NRIP1: variants seen among roughly 807,000 people sequenced by gnomAD.
NRIP1 encodes nuclear receptor-interacting protein 1.
In NRIP1, 28 loss-of-function variants were observed where a neutral mutation model predicts 75.0. The observed-to-expected ratio is 0.37, with a 90% CI of 0.28 to 0.51. NRIP1 has a LOEUF of 0.51. NRIP1 is among the 20% of genes least tolerant of loss of function. NRIP1 has a pLI of 0.92. For synonymous variants in NRIP1, 526 were observed against 487.6 expected (o/e 1.08, Z -1.04); for missense variants, 1,435 against 1,343.7 (o/e 1.07, Z -1.06).
intron 2 of NRIP1, among the ~76,000 whole-genome samples, chr21:15,034,496 TG>T (rs1230886644): frequency 1.3e-5 from 2 of 152,146 alleles, no homozygotes; most frequent in Non-Finnish European, 2.9e-5. Context: ...ACTGTTTTCC[TG>T]GGGGGAAAAA....
chr21:15,004,878 G>A (rs1186131584), intron 3 of NRIP1, among the ~76,000 whole-genome samples: 2 of 152,106 alleles, frequency 1.3e-5, no homozygotes, highest in Admixed American at 6.6e-5. Flanking sequence ...CAATAAAGAA[G>A]CACTTTACTC....
At chr21:15,059,631 T>C (rs544934166) in intron 1 of NRIP1, among the ~76,000 whole-genome samples, 8 of 152,086 alleles carry the variant, frequency 5.3e-5, no homozygotes, top group Non-Finnish European at 1.0e-4. Context: ...GTTCTTGAAA[T>C]TATTTCAACC....
At chr21:14,983,483 A>G (rs1207422568) in intron 3 of NRIP1, among the ~76,000 whole-genome samples, 8 of 152,224 alleles carry the variant, frequency 5.3e-5, no homozygotes, top group Admixed American at 5.2e-4. Flanking sequence ...CTGCAAAGGG[A>G]AGCAGCAAAT....
chr21:15,046,676 G>C (rs1235576351), intron 1 of NRIP1, among the ~76,000 whole-genome samples: 1 of 152,208 alleles, frequency 6.6e-6, no homozygotes, highest in Non-Finnish European at 1.5e-5. Flanking sequence ...TAAAGTCCTA[G>C]ATGGCATATT....
chr21:15,053,095 T>TTA (rs1419687402), intron 1 of NRIP1, among the ~76,000 whole-genome samples: 2 of 152,178 alleles, frequency 1.3e-5, no homozygotes, highest in Non-Finnish European at 2.9e-5. Flanking sequence ...ACCCTAAACT[T>TTA]TACAGTTTTA....
At chr21:15,063,782 T>G (rs2147446834) in intron 1 of NRIP1, among the ~76,000 whole-genome samples, 1 of 152,312 alleles carries the variant, frequency 6.6e-6, no homozygotes, top group African/African-American at 2.4e-5. Flanking sequence ...AATGTGCCAT[T>G]AAAAAATATT....
intron 2 of NRIP1, among the ~76,000 whole-genome samples, chr21:15,036,090 C>T (rs1164036936): frequency 6.6e-6 from 1 of 152,084 alleles, no homozygotes; most frequent in African/African-American, 2.4e-5. Flanking sequence ...ATTTCTATGA[C>T]AATAAACAGG....
chr21:14,965,317 T>C lies in NRIP1; in HGVS notation c.2876A>G (p.Asp959Gly). 6.2e-7 allele frequency: 1 copy of C among 1,614,038 alleles called. No homozygotes were observed. The highest frequency in any genetic ancestry group is 8.5e-7 in the Non-Finnish European group (1 of 1,179,950). ...LSPHRSNSVADSKKKGHKNNV... is the reference protein window; with the variant it reads ...LSPHRSNSVAGSKKKGHKNNV... ...ATTTTTGTGTCCTTTCTTTTTACTGTCAGCCACAGAGTTACTTCTGTGCGG... is the reference window on the plus strand; with the variant it reads ...ATTTTTGTGTCCTTTCTTTTTACTGCCAGCCACAGAGTTACTTCTGTGCGG... Residue 959 changes from aspartate to glycine, a missense_variant, in exon 4 of 4, where the codon GAC becomes GGC. Asp to Gly is a moderately conservative substitution (Grantham distance 94, BLOSUM62 -1). Transcript: ENST00000318948.
At chr21:15,003,312 C>T (rs963492048) in intron 3 of NRIP1, among the ~76,000 whole-genome samples, 8 of 151,538 alleles carry the variant, frequency 5.3e-5, no homozygotes, top group Non-Finnish European at 8.8e-5. Flanking sequence ...CATCCTAAGC[C>T]GTTCTGTTTT....
In NRIP1 at chr21:15,031,681, T is replaced by C. The variant is rs1293306194; in HGVS notation, c.-458+11814A>G. 9.6e-5 allele frequency among the ~76,000 whole-genome samples: 11 copies of C among 114,212 alleles called. No individual in the cohort carries two copies. The East Asian group carries it at 1.9e-3, about 20-fold the overall frequency. 74.9% of individuals were successfully genotyped at this position (114,212 alleles called of 152,430 possible). A position where few individuals can be genotyped will look rare whatever the true frequency, so the allele number is the denominator to read the frequency against. Reference sequence around the variant, plus strand: ...ATTCCCTTTCTATGTGTATACACTCTGGAAGGCGCTCGGAGGATCACCACA... The same window carrying C: ...ATTCCCTTTCTATGTGTATACACTCCGGAAGGCGCTCGGAGGATCACCACA... On this transcript the variant is annotated intron_variant, in intron 2 of 3. Coordinates refer to ENST00000318948, the MANE Select transcript of NRIP1 (RefSeq NM_003489.4).
At chr21:15,023,191 C>A (rs1300437613) in intron 2 of NRIP1, among the ~76,000 whole-genome samples, 1 of 151,960 alleles carries the variant, frequency 6.6e-6, no homozygotes, top group Non-Finnish European at 1.5e-5. Context: ...GAACTGAACA[C>A]TTTAAACAGG....
At chr21:15,043,105 G>A (rs943748008) in intron 2 of NRIP1, among the ~76,000 whole-genome samples, 4 of 152,212 alleles carry the variant, frequency 2.6e-5, no homozygotes, top group African/African-American at 9.6e-5. Context: ...AGAAGGTAGA[G>A]CTGTCACAGG....
intron 3 of NRIP1, among the ~76,000 whole-genome samples, chr21:15,007,861 A>C (rs1194733552): frequency 6.6e-6 from 1 of 152,256 alleles, no homozygotes; most frequent in Non-Finnish European, 1.5e-5. Flanking sequence ...TCATGTTTTT[A>C]GATGATCACT....
chr21:15,050,976 T>C (rs2089188775), intron 1 of NRIP1: 5 of 445,738 alleles, frequency 1.1e-5, no homozygotes, highest in Admixed American at 7.2e-5. Context: ...TATAGCTTAT[T>C]AGTAGTAGTA....
intron 3 of NRIP1, among the ~76,000 whole-genome samples, chr21:14,986,038 A>C (rs1317554254): frequency 6.6e-6 from 1 of 152,174 alleles, no homozygotes; most frequent in African/African-American, 2.4e-5. Context: ...ACCACAATTA[A>C]ACTATTTCTC....
intron 3 of NRIP1, among the ~76,000 whole-genome samples, chr21:14,997,081 T>A (rs1228031872): frequency 6.6e-6 from 1 of 152,138 alleles, no homozygotes; most frequent in African/African-American, 2.4e-5. Context: ...TGCTCTTCAT[T>A]CGGCATTCAG....
chr21:15,016,918 G>A (rs899032455), intron 2 of NRIP1, among the ~76,000 whole-genome samples: 1 of 147,220 alleles, frequency 6.8e-6, no homozygotes, highest in Non-Finnish European at 1.5e-5. Flanking sequence ...AGGAAAGAAA[G>A]AGAGAGAGAG....
At chr21:15,003,504 CT>C (rs2087895595) in intron 3 of NRIP1, among the ~76,000 whole-genome samples, 1 of 152,232 alleles carries the variant, frequency 6.6e-6, no homozygotes, top group African/African-American at 2.4e-5. Flanking sequence ...CATCAGGCTA[CT>C]GTCATCTTAT....
Position 14,966,616 on chromosome 21 carries a change from A to G in NRIP1, c.1577T>C (p.Val526Ala). The G allele has an allele frequency of 6.2e-7, 1 of 1,614,148 alleles. No individual in the cohort carries two copies. Among genetic ancestry groups the G allele is most frequent in the South Asian group, 1.1e-5 (1 of 91,084 alleles). ...NTSPQGVHND[V>A]SKFNTQNYAR... ...ATAATTTTGTGTATTGAACTTGCTC[A>G]CATCATTGTGTACTCCCTGAGGGCT... Residue 526 changes from valine to alanine, a missense_variant, in exon 4 of 4, where the codon GTG (valine) becomes GCG (alanine). By Grantham distance (64) the Val-to-Ala change is moderately conservative. Transcript: ENST00000318948.
Sources: allele counts gnomAD v4.1 joint callset (sites outside exome capture counted in the v4.1 genomes callset), GRCh38; gene constraint gnomAD v4.1.1; transcripts MANE v1.5; gene names NCBI Gene and HGNC (gene_info 2026-07-23, HGNC 2026-07-21).